FOXP1: variants seen among roughly 807,000 people sequenced by gnomAD.
FOXP1 encodes forkhead box P1.
Under a neutral mutation model 98.2 loss-of-function variants are expected in FOXP1, and 15 were observed. The observed-to-expected ratio is 0.15, with a 90% CI of 0.10 to 0.24. The LOEUF (loss-of-function observed/expected upper bound fraction) is 0.24. Ranked by LOEUF, FOXP1 falls within the 10% of genes least tolerant of loss-of-function variation. The pLI is 1.00. For synonymous variants in FOXP1, 371 were observed against 314.5 expected, an observed-to-expected ratio of 1.18 and a Z score of -1.90; for missense variants, 633 against 848.5, an observed-to-expected ratio of 0.75 and a Z score of 3.15.
intron 6 of FOXP1, among the ~76,000 whole-genome samples, chr3:71,186,977 C>T (rs12496895): frequency 0.14 from 20,812 of 152,268 alleles, 1,963 homozygotes; most frequent in Middle Eastern, 0.29. Context: ...AGCATGAACG[C>T]AGTTATAGGC....
chr3:71,290,624 A>C (rs2072647131), intron 5 of FOXP1, among the ~76,000 whole-genome samples: 1 of 152,138 alleles, frequency 6.6e-6, no homozygotes, highest in Non-Finnish European at 1.5e-5. Flanking sequence ...ATGGCTCCCC[A>C]ATAAGAATAT....
At position 71,406,405 on chromosome 3, in the gene FOXP1, G is replaced by GTATATATATATATA. The variant is rs60423991; in HGVS notation, c.-167-47175_-167-47162dup. Among the ~76,000 whole-genome samples, 337 of 105,938 alleles carry GTATATATATATATA rather than the reference G, an allele frequency of 3.2e-3. 47 individuals are homozygous for GTATATATATATATA. The highest frequency in any genetic ancestry group is 0.011 in the Middle Eastern group (2 of 188). 69.5% of individuals were successfully genotyped at this position (105,938 alleles called of 152,430 possible). ...TAATTGACACATAATAACTGTATGT[G>GTATATATATATATA]TATATATATATATATATATGGTACA... On this transcript the variant is annotated intron_variant, in intron 3 of 20. Coordinates refer to ENST00000649528, the MANE Select transcript of FOXP1 (RefSeq NM_001349338.3).
intron 3 of FOXP1, among the ~76,000 whole-genome samples, chr3:71,439,697 A>C (rs990831748): frequency 6.6e-6 from 1 of 152,172 alleles, no homozygotes; most frequent in Non-Finnish European, 1.5e-5. Context: ...TAATCCCAGA[A>C]CTTTGGGAGG....
intron 3 of FOXP1, among the ~76,000 whole-genome samples, chr3:71,369,861 T>C (rs1309135607): frequency 6.6e-6 from 1 of 152,124 alleles, no homozygotes; most frequent in Non-Finnish European, 1.5e-5. Flanking sequence ...AAGCACAATA[T>C]AGCTTGAACT....
chr3:71,302,029 G>A (rs964574040), intron 4 of FOXP1, among the ~76,000 whole-genome samples: 1 of 152,140 alleles, frequency 6.6e-6, no homozygotes, highest in African/African-American at 2.4e-5. Flanking sequence ...CATAAAAAAT[G>A]GGCAGTGGGA....
intron 6 of FOXP1, among the ~76,000 whole-genome samples, chr3:71,142,844 C>T (rs761077176): frequency 1.3e-5 from 2 of 152,086 alleles, no homozygotes; most frequent in African/African-American, 2.4e-5. Context: ...AACTAACACA[C>T]GCAGAAAAAG....
chr3:71,413,290 A>ACACACACACACACACACC (rs371166757), intron 3 of FOXP1, among the ~76,000 whole-genome samples: 12 of 138,610 alleles, frequency 8.7e-5, no homozygotes, highest in East Asian at 4.2e-4. Flanking sequence ...ACACACACAC[A>ACACACACACACACACACC]CCCAAAACAG....
chr3:71,493,108 A>ATC (rs141105463), intron 3 of FOXP1, among the ~76,000 whole-genome samples: 46,066 of 151,906 alleles, frequency 0.3, 8,580 homozygotes, highest in Non-Finnish European at 0.43. Flanking sequence ...GGCTCATGTT[A>ATC]TCACCAAGTT....
intron 5 of FOXP1, among the ~76,000 whole-genome samples, chr3:71,298,484 AAAAGAAAAAG>A (rs1473256918): frequency 3.5e-5 from 3 of 86,348 alleles, no homozygotes; most frequent in Non-Finnish European, 8.3e-5. Flanking sequence ...AAAAAAGAAA[AAAAGAAAAAG>A]AAAAAGAAAA....
chr3:71,182,209 G>A (rs2062352388), intron 6 of FOXP1, among the ~76,000 whole-genome samples: 1 of 152,182 alleles, frequency 6.6e-6, no homozygotes, highest in South Asian at 2.1e-4. Context: ...ATCTCCCTGT[G>A]GAGAGATAAC....
At chr3:71,512,507 A>C (rs1239650857) in intron 2 of FOXP1, among the ~76,000 whole-genome samples, 1 of 152,056 alleles carries the variant, frequency 6.6e-6, no homozygotes, top group Non-Finnish European at 1.5e-5. Context: ...TGAAGAGTCT[A>C]TTTTTCCCCC....
At chr3:71,102,444 G>T (rs1403984346) in intron 7 of FOXP1, among the ~76,000 whole-genome samples, 3 of 152,156 alleles carry the variant, frequency 2.0e-5, no homozygotes, top group Non-Finnish European at 4.4e-5. Flanking sequence ...TACAAAAACA[G>T]TTACTAGGCA....
intron 5 of FOXP1, among the ~76,000 whole-genome samples, chr3:71,270,389 G>C (rs2070223461): frequency 6.6e-6 from 1 of 152,136 alleles, no homozygotes; most frequent in Admixed American, 6.6e-5. Context: ...CAAGTGACTG[G>C]CTCTAAAAAC....
chr3:71,331,484 C>T (rs774228912), intron 4 of FOXP1, among the ~76,000 whole-genome samples: 5 of 151,954 alleles, frequency 3.3e-5, no homozygotes, highest in Admixed American at 2.0e-4. Flanking sequence ...GGAGTGCGGG[C>T]GCACGGCGCG....
chr3:71,238,023 G>A (rs1327488047), intron 5 of FOXP1, among the ~76,000 whole-genome samples: 3 of 152,256 alleles, frequency 2.0e-5, no homozygotes, highest in Admixed American at 2.0e-4. Context: ...CATTTAGTCC[G>A]ACTCTCCAAA....
At chr3:71,559,320 C>A (rs1020600268) in intron 2 of FOXP1, among the ~76,000 whole-genome samples, 1 of 152,238 alleles carries the variant, frequency 6.6e-6, no homozygotes, top group African/African-American at 2.4e-5. Context: ...GGAATGAAAA[C>A]TGATAGAATG....
At chr3:70,968,187 T>A (rs2035367285) in intron 19 of FOXP1, among the ~76,000 whole-genome samples, 1 of 151,146 alleles carries the variant, frequency 6.6e-6, no homozygotes, top group East Asian at 1.9e-4. Flanking sequence ...GCAAGAACGA[T>A]GTAAGTGATG....
At chr3:70,976,628 G>A (rs2037597648) in intron 17 of FOXP1, among the ~76,000 whole-genome samples, 1 of 152,160 alleles carries the variant, frequency 6.6e-6, no homozygotes, top group Non-Finnish European at 1.5e-5. Context: ...TGAGGTTTGT[G>A]CAAGTAATAT....
intron 3 of FOXP1, among the ~76,000 whole-genome samples, chr3:71,417,924 A>AG (rs2083335312): frequency 6.6e-6 from 1 of 152,000 alleles, no homozygotes; most frequent in African/African-American, 2.4e-5. Context: ...AACACCCCCG[A>AG]GAAGACAGAC....
Sources: gnomAD v4.1 joint callset for allele counts (sites outside exome capture counted in the v4.1 genomes callset) on GRCh38, gnomAD v4.1.1 for gene constraint, MANE v1.5 for transcripts, NCBI Gene and HGNC (gene_info 2026-07-23, HGNC 2026-07-21) for gene names.